Variants in DPH6 observed in about 807,000 individuals in gnomAD.
DPH6 encodes the protein diphthine--ammonia ligase.
Under a neutral mutation model 38.2 loss-of-function variants are expected in DPH6, and 33 were observed. That is an observed-to-expected ratio of 0.86 (90% CI 0.65 to 1.15). The LOEUF (loss-of-function observed/expected upper bound fraction) is 1.15. Among genes scored for constraint, DPH6 ranks in the 50% most tolerant of loss-of-function variants. The pLI is 0.00. For missense variants in DPH6, 325 were observed against 320.0 expected (o/e 1.02, Z -0.12); for synonymous variants, 108 against 103.0 (o/e 1.05, Z -0.30).
At chr15:35,289,308 C>T (rs1458594325) in intron 3 of DPH6, among the ~76,000 whole-genome samples, 1 of 152,140 alleles carries the variant, frequency 6.6e-6, no homozygotes, top group Non-Finnish European at 1.5e-5. Flanking sequence ...CCCAAAGAAA[C>T]ATATATTTTA....
the DPH6 span, among the ~76,000 whole-genome samples, chr15:35,191,190 G>C: frequency 6.6e-6 from 1 of 152,132 alleles, no homozygotes; most frequent in South Asian, 2.1e-4. Context: ...ACATTTCATT[G>C]TGTGTCAAAG....
At chr15:35,526,578 AT>A (rs1257146771) in intron 3 of DPH6, among the ~76,000 whole-genome samples, 4 of 152,162 alleles carry the variant, frequency 2.6e-5, no homozygotes, top group Non-Finnish European at 4.4e-5. Flanking sequence ...AGCACAAATG[AT>A]GGCCCCATTC....
chr15:35,301,985 A>G (rs1377635777), intron 3 of DPH6, among the ~76,000 whole-genome samples: 1 of 152,090 alleles, frequency 6.6e-6, no homozygotes, highest in Non-Finnish European at 1.5e-5. Context: ...AAATAATAAT[A>G]ATAATAATTA....
intron 6 of DPH6, among the ~76,000 whole-genome samples, chr15:35,409,494 C>G (rs145653582): frequency 5.8e-4 from 88 of 152,082 alleles, no homozygotes; most frequent in Non-Finnish European, 1.0e-3. Flanking sequence ...TGGTGCTTCT[C>G]AAAACCTTAC....
At chr15:35,194,716 A>G in the DPH6 span, among the ~76,000 whole-genome samples, 1 of 152,140 alleles carries the variant, frequency 6.6e-6, no homozygotes, top group Non-Finnish European at 1.5e-5. Flanking sequence ...AACTACATCA[A>G]AGGCATTGTA....
intron 3 of DPH6, among the ~76,000 whole-genome samples, chr15:35,325,624 T>C (rs1261732736): frequency 8.3e-6 from 1 of 119,902 alleles, no homozygotes. Flanking sequence ...AGGTAAACAA[T>C]AAACTTTCTA....
intron 2 of DPH6, among the ~76,000 whole-genome samples, chr15:35,540,279 C>T (rs1230680094): frequency 6.6e-6 from 1 of 152,078 alleles, no homozygotes; most frequent in African/African-American, 2.4e-5. Context: ...AATTAACATG[C>T]CACAAAAGTT....
At chr15:35,351,071 T>G (rs1444962336) in intron 3 of DPH6, among the ~76,000 whole-genome samples, 3 of 152,218 alleles carry the variant, frequency 2.0e-5, no homozygotes, top group Admixed American at 1.3e-4. Flanking sequence ...CTGCAATTCT[T>G]TCAATTCTTC....
intron 3 of DPH6, among the ~76,000 whole-genome samples, chr15:35,355,150 C>T (rs1290942509): frequency 2.6e-5 from 4 of 152,146 alleles, no homozygotes; most frequent in Non-Finnish European, 5.9e-5. Flanking sequence ...AGATCTTCCT[C>T]CATCCGTTTA....
chr15:35,372,689 G>C (rs1167298477), intron 8 of DPH6, among the ~76,000 whole-genome samples: 1 of 151,798 alleles, frequency 6.6e-6, no homozygotes, highest in Admixed American at 6.6e-5. Flanking sequence ...ATCCTCACCT[G>C]TAGAAACCCT....
At chr15:35,269,478 T>A (rs573122186) in intron 3 of DPH6, among the ~76,000 whole-genome samples, 13 of 152,278 alleles carry the variant, frequency 8.5e-5, no homozygotes, top group South Asian at 2.1e-4. Flanking sequence ...TTAATTTTTT[T>A]ATTTTTATTT....
intron 6 of DPH6, among the ~76,000 whole-genome samples, chr15:35,398,696 C>T (rs142708953): frequency 7.0e-4 from 106 of 152,236 alleles, no homozygotes; most frequent in Admixed American, 3.3e-3. Flanking sequence ...ATTAACAGAA[C>T]GCAAGAAAAA....
At chr15:35,541,586 T>C (rs138215283) in intron 2 of DPH6, among the ~76,000 whole-genome samples, 239 of 152,142 alleles carry the variant, frequency 1.6e-3, no homozygotes, top group African/African-American at 5.4e-3. Context: ...AAAATAACAG[T>C]GCAAAAACAT....
the DPH6 span, among the ~76,000 whole-genome samples, chr15:35,195,701 T>C: frequency 1.3e-5 from 2 of 152,180 alleles, no homozygotes; most frequent in African/African-American, 4.8e-5. Context: ...GCCCTGGCCA[T>C]GCTGCCTTCA....
intron 3 of DPH6, among the ~76,000 whole-genome samples, chr15:35,248,955 T>A (rs1309810214): frequency 6.6e-6 from 1 of 152,312 alleles, no homozygotes; most frequent in South Asian, 2.1e-4. Flanking sequence ...TTGCTTGCTA[T>A]AATAACATCT....
intron 3 of DPH6, among the ~76,000 whole-genome samples, chr15:35,312,010 G>GAAAAAAAAAAAAAAAAAAAAAA (rs10573455): frequency 2.0e-5 from 2 of 102,132 alleles, no homozygotes; most frequent in Non-Finnish European, 3.9e-5. Context: ...TTAAGAAAAT[G>GAAAAAAAAAAAAAAAAAAAAAA]AAAAAAAAAA....
intron 5 of DPH6, among the ~76,000 whole-genome samples, chr15:35,411,885 G>A (rs1222055957): frequency 6.6e-6 from 1 of 151,426 alleles, no homozygotes; most frequent in African/African-American, 2.4e-5. Context: ...AGACATAAAG[G>A]CAAAATGCAA....
intron 6 of DPH6, among the ~76,000 whole-genome samples, chr15:35,384,552 A>C (rs1451757930): frequency 1.3e-5 from 2 of 152,024 alleles, no homozygotes; most frequent in Non-Finnish European, 2.9e-5. Context: ...AATCCCAGCT[A>C]CTCAGGAGGC....
intron 5 of DPH6, among the ~76,000 whole-genome samples, chr15:35,416,838 C>G (rs2053442424): frequency 6.6e-6 from 1 of 152,010 alleles, no homozygotes; most frequent in African/African-American, 2.4e-5. Context: ...CCAGAGATTC[C>G]TAGCAATTCC....
Sources: gnomAD v4.1 joint callset for allele counts (sites outside exome capture counted in the v4.1 genomes callset) on GRCh38, gnomAD v4.1.1 for gene constraint, MANE v1.5 for transcripts, NCBI Gene and HGNC (gene_info 2026-07-23, HGNC 2026-07-21) for gene names.